CCDC90B: variants seen among roughly 807,000 people sequenced by gnomAD.
CCDC90B encodes the protein coiled-coil domain-containing protein 90B, mitochondrial.
Under a neutral mutation model 37.0 loss-of-function variants are expected in CCDC90B, and 24 were observed. That is an observed-to-expected ratio of 0.65 (90% CI 0.47 to 0.91). CCDC90B has a LOEUF of 0.91. Among genes scored for constraint, CCDC90B ranks in the 40% least tolerant of loss-of-function variants. The pLI is 0.00. For synonymous variants in CCDC90B, 113 were observed against 101.1 expected (o/e 1.12, Z -0.71); for missense variants, 319 against 299.0 (o/e 1.07, Z -0.49).
At chr11:83,266,009 T>C in intron 7 of CCDC90B, 30 bp from the exon 8 acceptor site, 1 of 1,213,470 alleles carries the variant, frequency 8.2e-7, no homozygotes, top group Non-Finnish European at 1.2e-6. Context: ...GAGAACTTAA[T>C]TTTGTCCCTA....
In CCDC90B at chr11:83,273,852, G is replaced by C. The variant is rs1030353364; in HGVS notation, c.481C>G (p.Arg161Gly). The C allele has an allele frequency of 9.3e-6, 15 of 1,607,910 alleles. No individual in the cohort carries two copies. The highest frequency in any genetic ancestry group is 1.3e-5 in the Non-Finnish European group (15 of 1,176,940). ...TCCAGTTTATTATCTGCTCTGATTC[G>C]ACTGGTTTCATGCTTTAAAGAAAGC... ...VKQQLMHETSRIRADNKLDIN... is the reference protein window; with the variant it reads ...VKQQLMHETSGIRADNKLDIN... The change falls in exon 6 of 9, where the codon CGA (arginine) becomes GGA (glycine). Residue 161 changes from arginine to glycine, a missense_variant. Transcript: ENST00000529689.
At chr11:83,269,875 T>C (rs1372352822) in intron 7 of CCDC90B, among the ~76,000 whole-genome samples, 1 of 152,118 alleles carries the variant, frequency 6.6e-6, no homozygotes, top group African/African-American at 2.4e-5. Context: ...CAGAGCAATA[T>C]CCGTGATGAA....
chr11:83,282,991 A>T (rs1048011130), intron 1 of CCDC90B, among the ~76,000 whole-genome samples: 1 of 152,208 alleles, frequency 6.6e-6, no homozygotes, highest in African/African-American at 2.4e-5. Flanking sequence ...GGCTACTTTC[A>T]TGCTACAGTG....
chr11:83,285,929 C>G lies in CCDC90B; in HGVS notation c.44G>C (p.Arg15Thr), dbSNP rs1381631781. The G allele has an allele frequency of 1.9e-6, 3 of 1,613,500 alleles. No homozygotes were observed. Among genetic ancestry groups the G allele is most frequent in the East Asian group, 2.2e-5 (1 of 44,872 alleles). Residue 15 changes from arginine to threonine, a missense_variant, in exon 1 of 9, where the codon AGA becomes ACA. Coordinates refer to ENST00000529689, the MANE Select transcript of CCDC90B (RefSeq NM_021825.5). ...QAWRLFLSQG[R>T]GDRWVSRPRG... ...GGGCCTTGAAACCCAACGATCTCCT[C>G]TGCCTTGGGAGAGAAAGAGCCGCCA...
intron 3 of CCDC90B, among the ~76,000 whole-genome samples, chr11:83,276,139 T>C (rs1280542090): frequency 6.6e-6 from 1 of 152,214 alleles, no homozygotes; most frequent in Non-Finnish European, 1.5e-5. Flanking sequence ...CATTTTCTTT[T>C]ATTCAGTTCT....
At chr11:83,272,084 A>C (rs545772428) in intron 7 of CCDC90B, among the ~76,000 whole-genome samples, 73 of 151,594 alleles carry the variant, frequency 4.8e-4, no homozygotes, top group Non-Finnish European at 8.3e-4. Flanking sequence ...TTGGATACAG[A>C]AACATCACAC....
chr11:83,279,899 TA>T (rs1431382512), intron 2 of CCDC90B, among the ~76,000 whole-genome samples: 1 of 152,208 alleles, frequency 6.6e-6, no homozygotes, highest in Non-Finnish European at 1.5e-5. Flanking sequence ...TTTTTTCACT[TA>T]ATTGGAATAA....
At position 83,273,865 on chromosome 11, in the gene CCDC90B, C is replaced by T. The variant is rs1159830599; in HGVS notation, c.469-1G>A. On this transcript the variant is annotated splice_acceptor_variant, in intron 5 of 8. Transcript: ENST00000529689. LOFTEE classifies it high-confidence loss of function. ...CTGCTCTGATTCGACTGGTTTCATG[C>T]TTTAAAGAAAGCAAAGATATTTAAA... The T allele has an allele frequency of 2.5e-6, 4 of 1,606,852 alleles. No homozygotes were observed. Among genetic ancestry groups the T allele is most frequent in the Admixed American group, 1.7e-5 (1 of 58,830 alleles).
In CCDC90B at chr11:83,261,891, C is replaced by A; in HGVS notation, c.*20G>T. The A allele has an allele frequency of 6.3e-7, 1 of 1,579,938 alleles. No homozygotes were observed. Among genetic ancestry groups the A allele is most frequent in the South Asian group, 1.2e-5 (1 of 86,246 alleles). On this transcript the variant is annotated 3_prime_UTR_variant, in exon 9 of 9. Coordinates refer to ENST00000529689, the MANE Select transcript of CCDC90B (RefSeq NM_021825.5). ...TGGTGTTCTAAGAAGCCAACAGCCA[C>A]AGCAGGATGAGCATTAATACTACTT...
At chr11:83,267,407 A>G (rs917455124) in intron 7 of CCDC90B, 1 of 152,236 alleles carries the variant, frequency 6.6e-6, no homozygotes, top group Non-Finnish European at 1.5e-5. Context: ...TAAACAGTGT[A>G]GAGAAGACCT....
chr11:83,274,895 C>A, intron 3 of CCDC90B, 155 bp from the exon 4 acceptor site: 5 of 433,494 alleles, frequency 1.2e-5, no homozygotes, highest in South Asian at 3.7e-5. Flanking sequence ...TCTGAAATAT[C>A]AAAATGAAAA....
In CCDC90B at chr11:83,286,130, G is replaced by A; in HGVS notation, c.-158C>T. ...AGCGCAGGCGCCACCGTGGTCCCACGAAACTGGGTCTCTTCACAGACAGAC... is the reference window on the plus strand; with the variant it reads ...AGCGCAGGCGCCACCGTGGTCCCACAAAACTGGGTCTCTTCACAGACAGAC... On this transcript the variant is annotated 5_prime_UTR_variant, in exon 1 of 9. Coordinates refer to ENST00000529689, the MANE Select transcript of CCDC90B (RefSeq NM_021825.5). 1 of 1,536,256 alleles carries A rather than the reference G, an allele frequency of 6.5e-7. No individual in the cohort carries two copies. The highest frequency in any genetic ancestry group is 8.7e-7 in the Non-Finnish European group (1 of 1,146,902).
chr11:83,273,457 G>A, intron 7 of CCDC90B, 190 bp downstream of exon 7: 1 of 410,838 alleles, frequency 2.4e-6, no homozygotes, highest in Non-Finnish European at 4.4e-6. Context: ...TCAAGGTCAT[G>A]GCTCATGGGC....
intron 1 of CCDC90B, among the ~76,000 whole-genome samples, chr11:83,282,434 TAC>T (rs1219686635): frequency 6.6e-6 from 1 of 152,222 alleles, no homozygotes; most frequent in Non-Finnish European, 1.5e-5. Flanking sequence ...GGCAGATTAG[TAC>T]AGTTCCTCTG....
intron 1 of CCDC90B, 169 bp downstream of exon 1, chr11:83,285,704 C>A (rs1383066422): frequency 3.5e-6 from 5 of 1,432,876 alleles, no homozygotes. Context: ...CCCCTTGGGG[C>A]GAGCTGGGCA....
rs548190818 is a variant in CCDC90B at position 83,286,143 on chromosome 11, T to C, written c.-171A>G. The stretch of plus-strand genomic sequence containing the variant: ...CCGTGGTCCCACGAAACTGGGTCTC[T>C]TCACAGACAGACCCACAGTTCGCGA... On this transcript the variant is annotated 5_prime_UTR_variant, in exon 1 of 9. Coordinates refer to ENST00000529689, the MANE Select transcript of CCDC90B (RefSeq NM_021825.5). The C allele has an allele frequency of 4.6e-5, 71 of 1,536,192 alleles. No individual in the cohort carries two copies. In the African/African-American group the frequency reaches 7.0e-4, roughly 15 times the overall value.
rs762345268 is a variant in CCDC90B, at chr11:83,260,589, T to G, written c.*1322A>C. On this transcript the variant is annotated 3_prime_UTR_variant, in exon 9 of 9. Coordinates refer to ENST00000529689, the MANE Select transcript of CCDC90B (RefSeq NM_021825.5). ...ATATGGACCAATCTCTTGACTGCTC[T>G]ATACTGCAGATTCCCTGTTTATAGC... 3.9e-5 allele frequency: 6 copies of G among 152,220 alleles called. No individual in the cohort carries two copies. Among genetic ancestry groups the G allele is most frequent in the Admixed American group, 2.6e-4 (4 of 15,280 alleles). 9.4% of individuals were successfully genotyped at this position (152,220 alleles called of 1,614,324 possible). A position where few individuals can be genotyped will look rare whatever the true frequency, so the allele number is the denominator to read the frequency against.
chr11:83,284,017 T>C (rs1865542355), intron 1 of CCDC90B, among the ~76,000 whole-genome samples: 8 of 152,248 alleles, frequency 5.3e-5, no homozygotes, highest in Admixed American at 5.2e-4. Flanking sequence ...GTAGGGGAGA[T>C]GAAGTGCCCA....
At chr11:83,285,003 CA>C (rs1865595217) in intron 1 of CCDC90B, 1 of 480,650 alleles carries the variant, frequency 2.1e-6, no homozygotes, top group Admixed American at 5.3e-5. Flanking sequence ...TCAACAACTG[CA>C]GTTTTGACTG....
Sources: allele counts gnomAD v4.1 joint callset (sites outside exome capture counted in the v4.1 genomes callset), GRCh38; gene constraint gnomAD v4.1.1; transcripts MANE v1.5; gene names NCBI Gene and HGNC (gene_info 2026-07-23, HGNC 2026-07-21).